DENND2B: variants seen among roughly 807,000 people sequenced by gnomAD.
DENND2B encodes DENN domain-containing protein 2B.
DENND2B carries 32 observed loss-of-function variants against 116.0 expected under a neutral mutation model. The observed-to-expected ratio is 0.28, with a 90% CI of 0.21 to 0.37. The LOEUF (loss-of-function observed/expected upper bound fraction) is 0.37. DENND2B is among the 10% of genes least tolerant of loss of function. The pLI, the probability that DENND2B is intolerant of heterozygous loss-of-function variation, is 1.00. For synonymous variants in DENND2B, 588 were observed against 583.9 expected (o/e 1.01, Z -0.10); for missense variants, 1,276 against 1,477.7 (o/e 0.86, Z 2.24).
chr11:8,840,815 T>G (rs1204009116), intron 3 of DENND2B, among the ~76,000 whole-genome samples: 2 of 152,200 alleles, frequency 1.3e-5, no homozygotes, highest in African/African-American at 4.8e-5. Context: ...CTGCTACTCC[T>G]GCTTTCTTCC....
chr11:8,903,280 G>T (rs1042055219), intron 1 of DENND2B, among the ~76,000 whole-genome samples: 2 of 151,982 alleles, frequency 1.3e-5, no homozygotes, highest in South Asian at 4.2e-4. Context: ...GGGTGTGGTG[G>T]CATGCACCTG....
intron 14 of DENND2B, among the ~76,000 whole-genome samples, chr11:8,701,345 G>A (rs978692699): frequency 0.018 from 472 of 26,454 alleles, 34 homozygotes; most frequent in African/African-American, 0.05. Flanking sequence ...GCCAGCTTCC[G>A]GGGGGGGGGG....
intron 16 of DENND2B, among the ~76,000 whole-genome samples, chr11:8,698,201 G>A (rs1188282078): frequency 1.4e-5 from 2 of 143,844 alleles, no homozygotes; most frequent in Non-Finnish European, 3.0e-5. Flanking sequence ...ACTGGCCTCT[G>A]TGACCAGGAC....
chr11:8,899,136 A>G (rs1291317582), intron 1 of DENND2B, among the ~76,000 whole-genome samples: 1 of 152,134 alleles, frequency 6.6e-6, no homozygotes, highest in Non-Finnish European at 1.5e-5. Context: ...TGGAAGATAG[A>G]TAGATCAATA....
intron 2 of DENND2B, among the ~76,000 whole-genome samples, chr11:8,877,901 T>G (rs2063861886): frequency 6.6e-6 from 1 of 152,214 alleles, no homozygotes; most frequent in African/African-American, 2.4e-5. Flanking sequence ...TAAGCAAATT[T>G]AAAATCTAGT....
chr11:8,786,820 G>A (rs1272364560), intron 1 of DENND2B, among the ~76,000 whole-genome samples: 4 of 151,732 alleles, frequency 2.6e-5, no homozygotes, highest in Non-Finnish European at 1.5e-5. Flanking sequence ...ATGTCTCAAA[G>A]AAAACAAACA....
chr11:8,859,020 G>A lies in DENND2B; in HGVS notation c.-249-1584C>T, dbSNP rs529769052. On this transcript the variant is annotated intron_variant, in intron 2 of 6. Transcript: ENST00000524757. ...AAAGTGAAGACAGAGACAAGAAACAGGCTGAAGACTGAGCCCTTGGGCGCT... is the reference window on the plus strand; with the variant it reads ...AAAGTGAAGACAGAGACAAGAAACAAGCTGAAGACTGAGCCCTTGGGCGCT... Among the ~76,000 whole-genome samples the A allele has an allele frequency of 2.6e-5, 4 of 152,300 alleles. No individual in the cohort carries two copies. The South Asian group carries it at 8.3e-4, about 32-fold the overall frequency.
intron 4 of DENND2B, chr11:8,835,692 C>A (rs771958984): frequency 6.6e-6 from 1 of 152,252 alleles, no homozygotes; most frequent in South Asian, 2.1e-4. Flanking sequence ...CCAGGGAGGA[C>A]GCACTGGATA....
rs2064142412 is a variant in DENND2B at position 8,899,785 on chromosome 11, A to C, written c.-256+11036T>G. Among the ~76,000 whole-genome samples the C allele has an allele frequency of 2.0e-5, 3 of 152,210 alleles. No individual in the cohort carries two copies. In the South Asian group the frequency reaches 6.2e-4, roughly 31 times the overall value. On this transcript the variant is annotated intron_variant, in intron 1 of 22. Coordinates refer to the DENND2B transcript ENST00000534127. ...ATGTAGAACATCAGAAATAGTAAAT[A>C]TATTGGTTAATATAAAGGACTCTAT...
At chr11:8,858,791 C>T (rs942794080) in intron 2 of DENND2B, among the ~76,000 whole-genome samples, 4 of 152,200 alleles carry the variant, frequency 2.6e-5, no homozygotes, top group African/African-American at 9.7e-5. Context: ...TTTCCTGGCT[C>T]TCCAGCTTAT....
chr11:8,871,202 C>T (rs1461762436), intron 1 of DENND2B: 1 of 149,656 alleles, frequency 6.7e-6, no homozygotes, highest in East Asian at 2.0e-4. Flanking sequence ...GAGGGGAGCG[C>T]TCGGAGGCGC....
intron 1 of DENND2B, among the ~76,000 whole-genome samples, chr11:8,796,140 C>A (rs1476487275): frequency 6.6e-6 from 1 of 152,218 alleles, no homozygotes; most frequent in East Asian, 1.9e-4. Flanking sequence ...GACCACAGAT[C>A]TCATGAACAC....
intron 4 of DENND2B, among the ~76,000 whole-genome samples, chr11:8,828,491 G>A (rs778242003): frequency 3.3e-5 from 5 of 152,128 alleles, no homozygotes; most frequent in Admixed American, 6.5e-5. Context: ...CCCACTCTGT[G>A]AGGGGTCACT....
chr11:8,704,036 A>G (rs142365775), intron 13 of DENND2B, among the ~76,000 whole-genome samples: 2,713 of 152,082 alleles, frequency 0.018, 35 homozygotes, highest in Middle Eastern at 0.068. Context: ...TCCAGTCCCT[A>G]CTGTCCCTGG....
chr11:8,877,576 C>G (rs1387370541), intron 2 of DENND2B: 1 of 152,152 alleles, frequency 6.6e-6, no homozygotes, highest in Non-Finnish European at 1.5e-5. Flanking sequence ...ATTTGAAACA[C>G]TAGTTACCAA....
At chr11:8,806,605 A>AACACACACACACAC (rs71059180) in intron 1 of DENND2B, among the ~76,000 whole-genome samples, 13,258 of 118,436 alleles carry the variant, frequency 0.11, 914 homozygotes, top group South Asian at 0.21. Flanking sequence ...CTCCCTTCAA[A>AACACACACACACAC]ACACACACAC....
rs1416924419 is a variant in DENND2B at position 8,699,384 on chromosome 11, G to A, written c.2727C>T (p.Leu909=). The change falls in exon 15 of 20, where the codon CTC becomes CTT. Residue 909 remains leucine, a synonymous_variant. Transcript: ENST00000313726. ...CCACCACCGCGTGGGAGCAGCTGGA[G>A]AGGGTACTGATGGGCAGACAGAGAG... ...VIFVADKLST[L]SSCSHAVVAL... is the part of the protein sequence containing the mutation. 6 of 1,600,458 alleles carry A rather than the reference G, an allele frequency of 3.7e-6. No individual in the cohort carries two copies. The East Asian group carries it at 1.1e-4, about 30-fold the overall frequency.
chr11:8,761,285 G>A (rs1030785617), intron 1 of DENND2B, among the ~76,000 whole-genome samples: 3 of 152,114 alleles, frequency 2.0e-5, no homozygotes, highest in Non-Finnish European at 4.4e-5. Context: ...CTCAGCAAGT[G>A]GCTTATCCTA....
intron 4 of DENND2B, among the ~76,000 whole-genome samples, chr11:8,725,772 G>T (rs189692734): frequency 4.6e-5 from 7 of 152,346 alleles, no homozygotes. Context: ...CACAGCTAAG[G>T]AAGAGGGCCT....
Sources: allele counts gnomAD v4.1 joint callset (sites outside exome capture counted in the v4.1 genomes callset), GRCh38; gene constraint gnomAD v4.1.1; transcripts MANE v1.5; gene names NCBI Gene and HGNC (gene_info 2026-07-23, HGNC 2026-07-21).